The following ABCG1 variants were observed in gnomAD, a reference collection of about 807,000 sequenced individuals.
ABCG1 encodes the protein ATP binding cassette subfamily G member 1, also known as ATP-binding cassette sub-family G member 1.
A neutral mutation model predicts 69.2 loss-of-function variants in ABCG1; 29 were observed. That is an observed-to-expected ratio of 0.42 (90% CI 0.31 to 0.57). The LOEUF (loss-of-function observed/expected upper bound fraction) is 0.57. Among genes scored for constraint, ABCG1 ranks in the 20% least tolerant of loss-of-function variants. The probability of loss-of-function intolerance (pLI) is 0.15; values close to 1 mark genes in which losing one functional copy is unlikely to be tolerated. For synonymous variants in ABCG1, 370 were observed against 374.8 expected, an observed-to-expected ratio of 0.99 and a Z score of 0.15; for missense variants, 718 against 898.1, an observed-to-expected ratio of 0.80 and a Z score of 2.56.
rs144604432 is a variant in ABCG1 at position 42,221,603 on chromosome 21, A to T, written c.42+2299A>T. On this transcript the variant is annotated intron_variant, in intron 1 of 14. Transcript: ENST00000398449. ...TGCGGTCTGGTCTCTGGCTCAGTTC[A>T]GGGTATGATGCCTTTGGTATTTTCT... Among the ~76,000 whole-genome samples the T allele has an allele frequency of 2.2e-3, 337 of 152,294 alleles. 2 individuals are homozygous for T. Among genetic ancestry groups the T allele is most frequent in the African/African-American group, 7.7e-3 (321 of 41,556 alleles).
chr21:42,205,018 G>GTTTT (rs746194754), intron 2 of ABCG1, among the ~76,000 whole-genome samples: 26 of 135,252 alleles, frequency 1.9e-4, no homozygotes, highest in African/African-American at 6.7e-4. Context: ...TGTTTTTGTT[G>GTTTT]TTTTTTTTTT....
At chr21:42,203,232 G>A (rs910439786) in intron 2 of ABCG1, among the ~76,000 whole-genome samples, 2 of 152,154 alleles carry the variant, frequency 1.3e-5, no homozygotes, top group Non-Finnish European at 2.9e-5. Flanking sequence ...GATGAGATTT[G>A]CAGATATTTT....
At chr21:42,226,940 A>G (rs1007477047) in intron 2 of ABCG1, among the ~76,000 whole-genome samples, 4 of 152,232 alleles carry the variant, frequency 2.6e-5, no homozygotes, top group African/African-American at 9.6e-5. Context: ...AAGACCAATC[A>G]AGACTCACGT....
chr21:42,204,796 C>G lies in ABCG1; in HGVS notation c.48+3073C>G, dbSNP rs144058605. On this transcript the variant is annotated intron_variant, in intron 2 of 15. Coordinates refer to the ABCG1 transcript ENST00000398457. ...CGAACTCCTGGGCTCAAGAAACCCT[C>G]TTGCCTCAGCCAATGATCAACTATA... Among the ~76,000 whole-genome samples the G allele has an allele frequency of 7.9e-5, 12 of 152,288 alleles. No individual in the cohort carries two copies. In the East Asian group the frequency reaches 2.3e-3, roughly 29 times the overall value.
intron 4 of ABCG1, among the ~76,000 whole-genome samples, chr21:42,275,414 T>C (rs1406529440): frequency 1.3e-5 from 2 of 152,354 alleles, no homozygotes; most frequent in Admixed American, 6.5e-5. Flanking sequence ...TCTGAGGAGT[T>C]GGCGAACAGA....
intron 2 of ABCG1, among the ~76,000 whole-genome samples, chr21:42,228,860 A>G (rs2067858873): frequency 6.6e-6 from 1 of 152,242 alleles, no homozygotes; most frequent in Non-Finnish European, 1.5e-5. Flanking sequence ...TGCTGCGTCC[A>G]GTTGGCTCCA....
intron 5 of ABCG1, among the ~76,000 whole-genome samples, chr21:42,279,093 G>A (rs570807070): frequency 4.5e-4 from 69 of 152,160 alleles, no homozygotes; most frequent in African/African-American, 1.5e-3. Context: ...ATGGGGTGTC[G>A]GAAGCACAAT....
chr21:42,286,062 A>G, intron 8 of ABCG1, 68 bp downstream of exon 8: 2 of 1,069,948 alleles, frequency 1.9e-6, no homozygotes, highest in Non-Finnish European at 2.9e-6. Flanking sequence ...TCTCACTTTT[A>G]GCTGACGCCC....
In ABCG1 at chr21:42,291,039, G is replaced by T; in HGVS notation, c.1394-53G>T. On this transcript the variant is annotated intron_variant, in intron 11 of 14. Transcript: ENST00000398449. This position sits in a 1 kb window ranked among gnomAD's most constrained non-coding sequence, Gnocchi z 6.4. Reference sequence around the variant, plus strand: ...AAGATCGCCTGTTGGGATGTTAAACGGGCTCGCTGCACATGGTCACTGACC... The same window carrying T: ...AAGATCGCCTGTTGGGATGTTAAACTGGCTCGCTGCACATGGTCACTGACC... 1 of 1,385,298 alleles carries T rather than the reference G, an allele frequency of 7.2e-7. No homozygotes were observed. The highest frequency in any genetic ancestry group is 1.0e-6 in the Non-Finnish European group (1 of 977,004). The allele number at this position is 1,385,298 out of a possible 1,614,324, so 85.8% of individuals were successfully genotyped here.
intron 1 of ABCG1, among the ~76,000 whole-genome samples, chr21:42,220,593 G>T (rs150860154): frequency 1.6e-3 from 246 of 152,356 alleles, no homozygotes; most frequent in African/African-American, 5.7e-3. Context: ...GTGGAGGAGG[G>T]GAGAGCCCGA....
chr21:42,278,974 G>A lies in ABCG1; in HGVS notation c.588+2029G>A, dbSNP rs1212097926. On this transcript the variant is annotated intron_variant, in intron 5 of 14. Transcript: ENST00000398449. ...TGTGCAGGGCCCCCATGAAGCAGAG[G>A]CTTTTCCACCCGGAGACTCAAGAAG... 2.6e-5 allele frequency among the ~76,000 whole-genome samples: 4 copies of A among 152,036 alleles called. No homozygotes were observed. The East Asian group carries it at 7.7e-4, about 29-fold the overall frequency.
chr21:42,252,372 C>T (rs953029867), intron 2 of ABCG1, among the ~76,000 whole-genome samples: 1 of 152,056 alleles, frequency 6.6e-6, no homozygotes, highest in Non-Finnish European at 1.5e-5. Flanking sequence ...ATTAGAGCAG[C>T]GATAATCGCT....
chr21:42,202,978 C>A (rs958345246), intron 2 of ABCG1, among the ~76,000 whole-genome samples: 9 of 152,092 alleles, frequency 5.9e-5, no homozygotes, highest in Non-Finnish European at 1.2e-4. Context: ...GACACAAAGA[C>A]CAATGGAACA....
rs1480671658 is a variant in ABCG1 at position 42,276,742 on chromosome 21, CTAGCTGCACTGTGGG to C, written c.538-143_538-129del. 9 of 720,124 alleles carry C rather than the reference CTAGCTGCACTGTGGG, an allele frequency of 1.2e-5. No individual in the cohort carries two copies. In the African/African-American group the frequency reaches 1.8e-4, roughly 14 times the overall value. 44.6% of individuals were successfully genotyped at this position (720,124 alleles called of 1,614,324 possible). A position where few individuals can be genotyped will look rare whatever the true frequency, so the allele number is the denominator to read the frequency against. On this transcript the variant is annotated intron_variant, in intron 4 of 14. Transcript: ENST00000398449. The surrounding 1 kb of genome is among the most constrained non-coding windows in gnomAD (Gnocchi z 5.3). ...TGCACCGTGGCTAGCGGCATTGTGG[CTAGCTGCACTGTGGG>C]TAGCTGCACCGTGGCTAGTGGCACT... is the stretch of plus-strand genomic sequence containing the variant.
Position 42,250,260 on chromosome 21 carries a change from C to G in ABCG1, c.287-20810C>G, listed in dbSNP as rs1416774408. 2.0e-5 allele frequency among the ~76,000 whole-genome samples: 3 copies of G among 152,122 alleles called. No individual in the cohort carries two copies. The East Asian group carries it at 5.8e-4, about 29-fold the overall frequency. ...TGGCACATCCCATTGAAGCCATGTT[C>G]CCAGGGGACAAGCAGAGTGGACCCA... On this transcript the variant is annotated intron_variant, in intron 2 of 14. Transcript: ENST00000398449.
intron 2 of ABCG1, among the ~76,000 whole-genome samples, chr21:42,237,034 G>T (rs1168412589): frequency 6.6e-6 from 1 of 152,204 alleles, no homozygotes; most frequent in African/African-American, 2.4e-5. Context: ...ATCCAGCCTT[G>T]TGCCTCTAGG....
chr21:42,274,878 A>G (rs930775074), intron 4 of ABCG1, among the ~76,000 whole-genome samples: 4 of 152,128 alleles, frequency 2.6e-5, no homozygotes, highest in Non-Finnish European at 4.4e-5. Context: ...GAGGAGATTG[A>G]AAATCAGTGT....
At chr21:42,284,165 C>T (rs1425495461) in intron 6 of ABCG1, among the ~76,000 whole-genome samples, 4 of 33,582 alleles carry the variant, frequency 1.2e-4, no homozygotes, top group Non-Finnish European at 2.6e-4. Context: ...GAGTGGGGAC[C>T]CCCCCACCTC....
intron 7 of ABCG1, 88 bp from the exon 8 acceptor site, chr21:42,285,788 GTTGA>G: frequency 1.1e-6 from 1 of 871,844 alleles, no homozygotes; most frequent in East Asian, 2.4e-5. Context: ...TGATTGATCG[GTTGA>G]TTGATTGGTT....
Sources: allele counts gnomAD v4.1 joint callset (sites outside exome capture counted in the v4.1 genomes callset), GRCh38; gene constraint gnomAD v4.1.1; non-coding constraint Gnocchi (gnomAD v3.1); transcripts MANE v1.5; gene names NCBI Gene and HGNC (gene_info 2026-07-23, HGNC 2026-07-21).